The following SLC2A1 variants were observed in gnomAD, a reference collection of about 807,000 sequenced individuals.
SLC2A1 encodes solute carrier family 2 member 1.
SLC2A1 carries 4 observed loss-of-function variants against 46.6 expected under a neutral mutation model. That is an observed-to-expected ratio of 0.09 (90% CI 0.04 to 0.20). The LOEUF (loss-of-function observed/expected upper bound fraction) is 0.20, where lower values mean the gene tolerates loss of function less well. Among genes scored for constraint, SLC2A1 ranks in the 10% least tolerant of loss-of-function variants. SLC2A1 has a pLI of 1.00. For synonymous variants in SLC2A1, 253 were observed against 270.0 expected (o/e 0.94, Z 0.62); for missense variants, 352 against 667.0 (o/e 0.53, Z 5.20).
At chr1:42,956,772 T>G (rs1643781442) in intron 1 of SLC2A1, among the ~76,000 whole-genome samples, 1 of 152,142 alleles carries the variant, frequency 6.6e-6, no homozygotes, top group African/African-American at 2.4e-5. Context: ...ATAGGCAAAC[T>G]CTCTCCCTTC....
At chr1:42,940,403 A>T (rs1450698487) in intron 2 of SLC2A1, among the ~76,000 whole-genome samples, 3 of 152,190 alleles carry the variant, frequency 2.0e-5, no homozygotes, top group Admixed American at 6.5e-5. Context: ...AGTGTCTATT[A>T]CTATGACAGG....
intron 1 of SLC2A1, chr1:42,951,556 G>A (rs1643720574): frequency 3.2e-6 from 1 of 311,664 alleles, no homozygotes; most frequent in Non-Finnish European, 5.8e-6. Flanking sequence ...TTATAGGCAT[G>A]TATCTACACA....
intron 2 of SLC2A1, among the ~76,000 whole-genome samples, chr1:42,939,811 G>A (rs1200734165): frequency 6.6e-6 from 1 of 152,042 alleles, no homozygotes; most frequent in African/African-American, 2.4e-5. Flanking sequence ...AGCTGGGCGT[G>A]GTGGTACACA....
chr1:42,949,714 G>T (rs1042806763), intron 1 of SLC2A1, among the ~76,000 whole-genome samples: 2 of 152,224 alleles, frequency 1.3e-5, no homozygotes, highest in Admixed American at 1.3e-4. Context: ...CCTGCCAGAG[G>T]CTGCTCACAC....
intron 8 of SLC2A1, among the ~76,000 whole-genome samples, chr1:42,928,604 G>A (rs191265701): frequency 6.6e-6 from 1 of 152,148 alleles, no homozygotes; most frequent in Non-Finnish European, 1.5e-5. Flanking sequence ...ACTACTTCCC[G>A]GGGTTGCTGT....
At position 42,956,423 on chromosome 1, in the gene SLC2A1, AAAAAAAAAAAC is replaced by A. The variant is rs1165453843; in HGVS notation, c.18+2200_18+2210del. On this transcript the variant is annotated intron_variant, in intron 1 of 9. Transcript: ENST00000426263. ...CTAAAACTACAAAAAAAAAAAAAAA[AAAAAAAAAAAC>A]ATTAGCTGGGTGTGGTGGCACATGC... 4.1e-3 allele frequency among the ~76,000 whole-genome samples: 565 copies of A among 138,668 alleles called. 6 individuals are homozygous for A. The highest frequency in any genetic ancestry group is 0.012 in the African/African-American group (450 of 36,418). The allele number at this position is 138,668 out of a possible 152,430, so 91.0% of individuals were successfully genotyped here.
chr1:42,955,057 T>C (rs910743476), intron 1 of SLC2A1, among the ~76,000 whole-genome samples: 4 of 152,184 alleles, frequency 2.6e-5, no homozygotes, highest in Non-Finnish European at 5.9e-5. Context: ...ATGATTTACC[T>C]GACTTAATAC....
At chr1:42,933,373 C>T (rs960159552) in intron 2 of SLC2A1, among the ~76,000 whole-genome samples, 6 of 152,126 alleles carry the variant, frequency 3.9e-5, no homozygotes, top group African/African-American at 1.4e-4. Context: ...GTACCCCTGG[C>T]CTTATTGCTG....
chr1:42,958,780 C>A lies in SLC2A1; in HGVS notation c.-129G>T, dbSNP rs936174986. 48 of 990,994 alleles carry A rather than the reference C, an allele frequency of 4.8e-5. No homozygotes were observed. Among genetic ancestry groups the A allele is most frequent in the Non-Finnish European group, 6.7e-5 (45 of 670,604 alleles). 61.4% of individuals were successfully genotyped at this position (990,994 alleles called of 1,614,324 possible). ...CCACTGCGACTCTGACTCCGACCCC[C>A]GTCGTTTGGTCTCCTGCTCCCTGGC... is the stretch of plus-strand genomic sequence containing the variant. On this transcript the variant is annotated 5_prime_UTR_variant, in exon 1 of 10. Transcript: ENST00000426263.
intron 1 of SLC2A1, among the ~76,000 whole-genome samples, chr1:42,945,969 TAAGTGGAAAATAATAC>T (rs1557652273): frequency 6.6e-6 from 1 of 152,108 alleles, no homozygotes; most frequent in East Asian, 1.9e-4. Context: ...ATAAAAACAT[TAAGTGGAAAATAATAC>T]AAATGATCCA....
chr1:42,940,504 G>C (rs1643586775), intron 2 of SLC2A1, among the ~76,000 whole-genome samples: 1 of 152,198 alleles, frequency 6.6e-6, no homozygotes, highest in South Asian at 2.1e-4. Flanking sequence ...TGTCTTGGGA[G>C]GGTATCCTCT....
chr1:42,940,021 G>T (rs1161986886), intron 2 of SLC2A1, among the ~76,000 whole-genome samples: 1 of 148,260 alleles, frequency 6.7e-6, no homozygotes, highest in African/African-American at 2.5e-5. Flanking sequence ...CTTCTGCTCC[G>T]ACACCACCCT....
chr1:42,940,587 C>T (rs562051616), intron 2 of SLC2A1, among the ~76,000 whole-genome samples: 1 of 112,438 alleles, frequency 8.9e-6, no homozygotes, highest in Non-Finnish European at 1.9e-5. Context: ...TTCTCTGGGG[C>T]CTTGATCTTT....
Position 42,927,277 on chromosome 1 carries a change from GA to G in SLC2A1, c.1279-37del. 1 of 1,594,786 alleles carries G rather than the reference GA, an allele frequency of 6.3e-7. No individual in the cohort carries two copies. Among genetic ancestry groups the G allele is most frequent in the Non-Finnish European group, 8.6e-7 (1 of 1,163,020 alleles). On this transcript the variant is annotated intron_variant, in intron 9 of 9. Transcript: ENST00000426263. This position sits in a 1 kb window ranked among gnomAD's most constrained non-coding sequence, Gnocchi z 5.3. ...CACAGACACACTTGGTTGGAGTCAT[GA>G]CCCTACATCCTGGCTGTAGGACTTT... is the stretch of plus-strand genomic sequence containing the variant.
At chr1:42,944,096 G>T (rs1489114676) in intron 1 of SLC2A1, among the ~76,000 whole-genome samples, 2 of 152,206 alleles carry the variant, frequency 1.3e-5, no homozygotes, top group Non-Finnish European at 2.9e-5. Context: ...GGACATAGAC[G>T]ACATGCTAGG....
chr1:42,944,430 C>T (rs911501302), intron 1 of SLC2A1, among the ~76,000 whole-genome samples: 1 of 152,156 alleles, frequency 6.6e-6, no homozygotes, highest in Non-Finnish European at 1.5e-5. Flanking sequence ...GCCAAAGAAA[C>T]GACTGGCATT....
chr1:42,952,394 G>C (rs776528839), intron 1 of SLC2A1: 1 of 482,646 alleles, frequency 2.1e-6, no homozygotes, highest in Non-Finnish European at 4.1e-6. Context: ...GATTCCCGTA[G>C]AGGCTGATGC....
chr1:42,927,583 T>TGGTG lies in SLC2A1; in HGVS notation c.1278+21_1278+22insCACC. On this transcript the variant is annotated intron_variant, in intron 9 of 9. Coordinates refer to ENST00000426263, the MANE Select transcript of SLC2A1 (RefSeq NM_006516.4). The surrounding 1 kb of genome is among the most constrained non-coding windows in gnomAD (Gnocchi z 5.3). ...GTGGGGTCATGCGTGCGGGTGAGTA[T>TGGTG]AGAGACAGTGGGGGTTCTCACCTCC... is the stretch of plus-strand genomic sequence containing the variant. The TGGTG allele has an allele frequency of 9.1e-7, 1 of 1,098,962 alleles. No homozygotes were observed. The highest frequency in any genetic ancestry group is 2.9e-5 in the African/African-American group (1 of 33,950). 68.1% of individuals were successfully genotyped at this position (1,098,962 alleles called of 1,614,324 possible).
chr1:42,937,295 A>G (rs72678351), intron 2 of SLC2A1, among the ~76,000 whole-genome samples: 27 of 152,324 alleles, frequency 1.8e-4, no homozygotes, highest in Admixed American at 1.1e-3. Flanking sequence ...TTGACACTAA[A>G]TGACCAACAA....
Sources: allele counts gnomAD v4.1 joint callset (sites outside exome capture counted in the v4.1 genomes callset), GRCh38; gene constraint gnomAD v4.1.1; non-coding constraint Gnocchi (gnomAD v3.1); transcripts MANE v1.5; gene names NCBI Gene and HGNC (gene_info 2026-07-23, HGNC 2026-07-21).